ARHGAP17: variants seen among roughly 807,000 people sequenced by gnomAD.
The protein encoded by ARHGAP17 is rho GTPase-activating protein 17.
In ARHGAP17, 57 loss-of-function variants were observed where a neutral mutation model predicts 99.5. The ratio of observed to expected loss-of-function variants is 0.57; its 90% CI spans 0.46 to 0.71. The LOEUF is 0.71. Among genes scored for constraint, ARHGAP17 ranks in the 30% least tolerant of loss-of-function variants. ARHGAP17 has a pLI of 0.00. For synonymous variants in ARHGAP17, 417 were observed against 429.6 expected (o/e 0.97, Z 0.36); for missense variants, 1,000 against 1,122.4 (o/e 0.89, Z 1.56).
At chr16:24,939,635 G>T in intron 16 of ARHGAP17, 38 bp from the exon 17 acceptor site, 1 of 1,555,214 alleles carries the variant, frequency 6.4e-7, no homozygotes, top group Non-Finnish European at 8.7e-7. Flanking sequence ...CACCATGCGA[G>T]CAGACTACTG....
At chr16:25,006,149 A>C (rs1469019419) in intron 1 of ARHGAP17, among the ~76,000 whole-genome samples, 1 of 152,188 alleles carries the variant, frequency 6.6e-6, no homozygotes, top group African/African-American at 2.4e-5. Flanking sequence ...TTTGACTCCA[A>C]GTGAAAAATA....
chr16:24,984,272 G>A (rs9944331), intron 1 of ARHGAP17, among the ~76,000 whole-genome samples: 47,989 of 151,924 alleles, frequency 0.32, 7,811 homozygotes, highest in East Asian at 0.5. Context: ...GAGCACTACC[G>A]TCCTCCTCCC....
chr16:24,971,452 C>T (rs936109885), intron 3 of ARHGAP17, among the ~76,000 whole-genome samples: 1 of 151,998 alleles, frequency 6.6e-6, no homozygotes, highest in Non-Finnish European at 1.5e-5. Flanking sequence ...GCCTCAGCCT[C>T]CCCTGCTGTG....
chr16:24,946,877 CCTG>C lies in ARHGAP17; in HGVS notation c.1241+602_1241+604del, dbSNP rs749556275. On this transcript the variant is annotated intron_variant, in intron 14 of 19. Transcript: ENST00000289968. ...CTTCATATATAAGCATTCAGTTCCA[CCTG>C]CTTCTTTGGATCTTCCTTTTCCTAT... 5.3e-5 allele frequency among the ~76,000 whole-genome samples: 8 copies of C among 152,344 alleles called. No individual in the cohort carries two copies. In the South Asian group the frequency reaches 1.7e-3, roughly 32 times the overall value.
chr16:24,952,568 G>A (rs1163551309), intron 11 of ARHGAP17, among the ~76,000 whole-genome samples, 198 bp from the exon 12 acceptor site: 2 of 152,092 alleles, frequency 1.3e-5, no homozygotes, highest in African/African-American at 4.8e-5. Context: ...AGTTTTAAGA[G>A]ATCAATTACA....
intron 17 of ARHGAP17, among the ~76,000 whole-genome samples, chr16:24,938,399 A>G (rs999625469): frequency 1.3e-5 from 2 of 151,966 alleles, no homozygotes; most frequent in Non-Finnish European, 2.9e-5. Flanking sequence ...ACTTTTCTTA[A>G]AAGTTGCTAT....
chr16:24,978,936 G>C, intron 2 of ARHGAP17, 30 bp downstream of exon 2: 1 of 1,518,492 alleles, frequency 6.6e-7, no homozygotes, highest in South Asian at 1.3e-5. Context: ...CCTTTAAACA[G>C]ATCATTTAAA....
intron 3 of ARHGAP17, among the ~76,000 whole-genome samples, chr16:24,974,848 G>A (rs1240092362): frequency 1.3e-5 from 2 of 152,140 alleles, no homozygotes; most frequent in Admixed American, 6.5e-5. Flanking sequence ...GGGGTTTGGA[G>A]GATAAAATAA....
intron 19 of ARHGAP17, chr16:24,927,814 T>C: frequency 2.0e-6 from 1 of 491,716 alleles, no homozygotes; most frequent in Admixed American, 3.8e-5. Context: ...TGTAAACTCT[T>C]TTACATGGGA....
intron 1 of ARHGAP17, among the ~76,000 whole-genome samples, chr16:25,002,616 A>G (rs2053392866): frequency 6.6e-6 from 1 of 152,206 alleles, no homozygotes; most frequent in South Asian, 2.1e-4. Flanking sequence ...GCCAATCAAC[A>G]TCGCCTGGCT....
intron 1 of ARHGAP17, among the ~76,000 whole-genome samples, chr16:24,985,005 T>C (rs1176967791): frequency 6.6e-6 from 1 of 152,136 alleles, no homozygotes; most frequent in Non-Finnish European, 1.5e-5. Context: ...CTGTTACGAA[T>C]TTGTTATATA....
intron 19 of ARHGAP17, among the ~76,000 whole-genome samples, chr16:24,924,551 GGTT>G (rs2050793825): frequency 6.6e-6 from 1 of 151,868 alleles, no homozygotes; most frequent in Non-Finnish European, 1.5e-5. Context: ...CAACCAAAGA[GGTT>G]TAGGGTGCTT....
intron 1 of ARHGAP17, among the ~76,000 whole-genome samples, 162 bp from the exon 2 acceptor site, chr16:24,979,167 A>G (rs1306139572): frequency 6.6e-6 from 1 of 152,234 alleles, no homozygotes; most frequent in Admixed American, 6.5e-5. Context: ...AGAGCAATTT[A>G]AGCAAAACCA....
intron 19 of ARHGAP17, among the ~76,000 whole-genome samples, chr16:24,924,927 C>T (rs1342831382): frequency 6.6e-6 from 1 of 151,986 alleles, no homozygotes; most frequent in Non-Finnish European, 1.5e-5. Context: ...TAACCTTTTT[C>T]TCCTTTTTAC....
chr16:24,992,933 G>A (rs2053090656), intron 1 of ARHGAP17, among the ~76,000 whole-genome samples: 1 of 152,166 alleles, frequency 6.6e-6, no homozygotes, highest in South Asian at 2.1e-4. Context: ...CCAAGTAGCT[G>A]AGACTACAGG....
chr16:24,942,299 T>C (rs2051336411), intron 15 of ARHGAP17, among the ~76,000 whole-genome samples, 156 bp from the exon 16 acceptor site: 1 of 152,182 alleles, frequency 6.6e-6, no homozygotes, highest in South Asian at 2.1e-4. Context: ...GCAAGAATGG[T>C]CCATCAAACC....
chr16:24,948,068 C>T (rs1015033691), intron 13 of ARHGAP17, among the ~76,000 whole-genome samples: 4 of 152,036 alleles, frequency 2.6e-5, no homozygotes, highest in African/African-American at 4.8e-5. Context: ...AAGGCAAAAA[C>T]GTAAGAACAA....
At chr16:25,000,305 G>C (rs1405806135) in intron 1 of ARHGAP17, among the ~76,000 whole-genome samples, 2 of 152,136 alleles carry the variant, frequency 1.3e-5, no homozygotes, top group Non-Finnish European at 1.5e-5. Flanking sequence ...CTCCCATCTA[G>C]AAAAAGCATG....
chr16:24,943,980 T>A, intron 14 of ARHGAP17, 118 bp from the exon 15 acceptor site: 1 of 954,534 alleles, frequency 1.0e-6, no homozygotes, highest in Non-Finnish European at 1.6e-6. Context: ...GATGCAAAAA[T>A]CAAAATCACT....
Sources: allele counts gnomAD v4.1 joint callset (sites outside exome capture counted in the v4.1 genomes callset), GRCh38; gene constraint gnomAD v4.1.1; transcripts MANE v1.5; gene names NCBI Gene and HGNC (gene_info 2026-07-23, HGNC 2026-07-21).